The following RASEF variants were observed in gnomAD, a reference collection of about 807,000 sequenced individuals.
The protein encoded by RASEF is RAS and EF-hand domain containing, also known as ras and EF-hand domain-containing protein.
Under a neutral mutation model 90.1 loss-of-function variants are expected in RASEF, and 68 were observed. The observed-to-expected ratio is 0.75, with a 90% CI of 0.62 to 0.92. RASEF has a LOEUF of 0.92. RASEF is among the 40% of genes least tolerant of loss of function. RASEF has a pLI of 0.00. For missense variants in RASEF, 949 were observed against 937.2 expected (o/e 1.01, Z -0.16); for synonymous variants, 331 against 345.2 (o/e 0.96, Z 0.46).
intron 1 of RASEF, among the ~76,000 whole-genome samples, chr9:83,039,019 G>T (rs933556688): frequency 1.3e-5 from 2 of 152,076 alleles, no homozygotes; most frequent in South Asian, 2.1e-4. Flanking sequence ...TCACTGTTCT[G>T]GTTTTTTTGT....
At chr9:83,067,789 T>C (rs1034832004), upstream of RASEF, among the ~76,000 whole-genome samples, 2 of 152,234 alleles carry the variant, frequency 1.3e-5, no homozygotes, top group Non-Finnish European at 2.9e-5. Context: ...TAAGCAAAAC[T>C]CATGTCATTT....
rs531734346 is a variant in RASEF at position 83,048,192 on chromosome 9, G to A, written c.431+14245C>T. 26 of 985,418 alleles carry A rather than the reference G, an allele frequency of 2.6e-5. No individual in the cohort carries two copies. In the Admixed American group the frequency reaches 1.0e-3, roughly 40 times the overall value. The allele number at this position is 985,418 out of a possible 1,614,324, so 61.0% of individuals were successfully genotyped here. On this transcript the variant is annotated intron_variant, in intron 1 of 16. Coordinates refer to ENST00000376447, the MANE Select transcript of RASEF (RefSeq NM_152573.4). ...AGCCCACAGTGTAGTAAGAGCGGAA[G>A]GAGCTTGGAGGTCATCTGACAGGGA...
chr9:83,066,796 C>T (rs78834702), upstream of RASEF, among the ~76,000 whole-genome samples: 5 of 152,150 alleles, frequency 3.3e-5, no homozygotes, highest in Non-Finnish European at 5.9e-5. Context: ...CTATTATATT[C>T]CTTTGAGATA....
At chr9:83,030,590 G>C (rs1829628098) in intron 1 of RASEF, among the ~76,000 whole-genome samples, 2 of 152,276 alleles carry the variant, frequency 1.3e-5, no homozygotes, top group South Asian at 4.1e-4. Flanking sequence ...ATAATTACAG[G>C]AAATGTCTGC....
chr9:83,147,030 ATATATATATG>A, the RASEF span, among the ~76,000 whole-genome samples: 3 of 119,374 alleles, frequency 2.5e-5, no homozygotes, highest in African/African-American at 9.9e-5. Context: ...GTGTGTGTGT[ATATATATATG>A]TATATATATA....
chr9:83,062,372 A>G (rs1304451220), intron 1 of RASEF, 65 bp downstream of exon 1: 1 of 1,535,518 alleles, frequency 6.5e-7, no homozygotes, highest in African/African-American at 1.4e-5. Flanking sequence ...CACACCTGCA[A>G]GTAAGTGGGA....
Position 82,982,623 on chromosome 9 carries a change from C to A in RASEF, c.*54G>T. Reference sequence around the variant, plus strand: ...ACTCTGTTAAGAGCCAAATAAGTCACACAAATTCAGTATTCTGGAAATGAA... The same window carrying A: ...ACTCTGTTAAGAGCCAAATAAGTCAAACAAATTCAGTATTCTGGAAATGAA... On this transcript the variant is annotated 3_prime_UTR_variant, in exon 17 of 17. Coordinates refer to ENST00000376447, the MANE Select transcript of RASEF (RefSeq NM_152573.4). The A allele has an allele frequency of 9.9e-7, 1 of 1,012,954 alleles. No homozygotes were observed. The highest frequency in any genetic ancestry group is 2.4e-5 in the East Asian group (1 of 41,930). The allele number at this position is 1,012,954 out of a possible 1,614,324, so 62.7% of individuals were successfully genotyped here.
chr9:83,037,380 A>T (rs1829762110), intron 1 of RASEF, among the ~76,000 whole-genome samples: 1 of 152,190 alleles, frequency 6.6e-6, no homozygotes, highest in Non-Finnish European at 1.5e-5. Context: ...ACTGAATGGA[A>T]TCAACGTTCA....
At chr9:83,208,983 T>C in the RASEF span, among the ~76,000 whole-genome samples, 2 of 152,216 alleles carry the variant, frequency 1.3e-5, no homozygotes, top group Non-Finnish European at 1.5e-5. Flanking sequence ...GCCCAATTTA[T>C]AACATGACTC....
the RASEF span, among the ~76,000 whole-genome samples, chr9:83,172,952 C>T: frequency 6.6e-6 from 1 of 151,892 alleles, no homozygotes; most frequent in Non-Finnish European, 1.5e-5. Context: ...ATTCCCTTAG[C>T]TTTTGTTTGT....
At chr9:83,148,946 T>A in the RASEF span, among the ~76,000 whole-genome samples, 1 of 152,186 alleles carries the variant, frequency 6.6e-6, no homozygotes, top group Admixed American at 6.5e-5. Flanking sequence ...TAGAAAAGCC[T>A]CTTCAGCCCA....
chr9:83,023,281 C>A (rs1046975022), intron 2 of RASEF, among the ~76,000 whole-genome samples: 2 of 152,150 alleles, frequency 1.3e-5, no homozygotes, highest in African/African-American at 4.8e-5. Flanking sequence ...AATTATGTTT[C>A]TGTTAGGAGT....
the RASEF span, among the ~76,000 whole-genome samples, chr9:83,200,100 G>C: frequency 6.6e-6 from 1 of 152,186 alleles, no homozygotes; most frequent in African/African-American, 2.4e-5. Context: ...CCTTCTAAAG[G>C]CCGGGCGCGG....
At chr9:83,193,793 G>T in the RASEF span, among the ~76,000 whole-genome samples, 123,752 of 152,048 alleles carry the variant, frequency 0.81, 50,515 homozygotes, top group South Asian at 0.88. Flanking sequence ...GATATAGCAT[G>T]TGCATATACA....
the RASEF span, chr9:83,201,007 G>A: frequency 1.3e-5 from 2 of 152,182 alleles, no homozygotes; most frequent in Admixed American, 6.5e-5. Context: ...GAGTGAGTTT[G>A]ATCAAAGGAT....
intron 4 of RASEF, 95 bp downstream of exon 4, chr9:83,015,710 A>T (rs968802167): frequency 4.5e-6 from 4 of 893,772 alleles, no homozygotes; most frequent in Non-Finnish European, 7.5e-6. Flanking sequence ...TCTATCCGCC[A>T]CTTCAATAGG....
chr9:83,077,586 G>C, the RASEF span, among the ~76,000 whole-genome samples: 1 of 151,420 alleles, frequency 6.6e-6, no homozygotes, highest in Non-Finnish European at 1.5e-5. Context: ...AAAACATTGG[G>C]GAAAAAAAAC....
rs1564075999 is a variant in RASEF, at chr9:83,009,746, T to A, written c.854A>T (p.Lys285Ile). The A allele has an allele frequency of 6.2e-7, 1 of 1,609,400 alleles. No homozygotes were observed. Among genetic ancestry groups the A allele is most frequent in the Non-Finnish European group, 8.5e-7 (1 of 1,175,932 alleles). The change falls in exon 6 of 17, where the codon AAA becomes ATA. Residue 285 changes from lysine (K) to isoleucine (I), a missense_variant. Around this residue, in one of 3 missense-constraint regions of RASEF, gnomAD observed 656 missense variants for 592.2 expected, o/e 1.11. Transcript: ENST00000376447. ...TGCTTCTAAAAGGTCTTTCTTAACT[T>A]TCTGGTTTTCCTGGATAAAATGAAA... ...QIYDLSMENQ[K>I]VKKDLLEAQT...
At chr9:83,030,356 C>CA (rs762391284) in intron 1 of RASEF, among the ~76,000 whole-genome samples, 365 of 110,136 alleles carry the variant, frequency 3.3e-3, no homozygotes, top group East Asian at 5.7e-3. Flanking sequence ...GACTCCGTCA[C>CA]AAAAAAAAAA....
Sources: gnomAD v4.1 joint callset for allele counts (sites outside exome capture counted in the v4.1 genomes callset) on GRCh38, gnomAD v4.1.1 for gene constraint, gnomAD v4.1.1 regional missense constraint, MANE v1.5 for transcripts, NCBI Gene and HGNC (gene_info 2026-07-23, HGNC 2026-07-21) for gene names.